Variants in HEATR4 observed in about 807,000 individuals in gnomAD.
The protein encoded by HEATR4 is HEAT repeat-containing protein 4.
Under a neutral mutation model 108.8 loss-of-function variants are expected in HEATR4, and 95 were observed. That is an observed-to-expected ratio of 0.87 (90% CI 0.74 to 1.04). The LOEUF (loss-of-function observed/expected upper bound fraction) is 1.04, where lower values mean the gene tolerates loss of function less well. Among genes scored for constraint, HEATR4 ranks in the 50% least tolerant of loss-of-function variants. The pLI is 0.00. For synonymous variants in HEATR4, 443 were observed against 459.4 expected, an observed-to-expected ratio of 0.96 and a Z score of 0.46; for missense variants, 1,152 against 1,253.8, an observed-to-expected ratio of 0.92 and a Z score of 1.23.
the HEATR4 span, among the ~76,000 whole-genome samples, chr14:73,577,450 T>C: frequency 1.5e-5 from 2 of 137,606 alleles, no homozygotes; most frequent in Non-Finnish European, 3.1e-5. Flanking sequence ...TGAAAACTCT[T>C]AGAGATGATG....
the HEATR4 span, among the ~76,000 whole-genome samples, chr14:73,599,989 T>C: frequency 6.6e-6 from 1 of 152,206 alleles, no homozygotes; most frequent in Admixed American, 6.5e-5. Context: ...GATCCAGGTA[T>C]AGATGAGGCT....
the HEATR4 span, among the ~76,000 whole-genome samples, chr14:73,589,900 G>A: frequency 0.18 from 27,796 of 152,050 alleles, 4,463 homozygotes; most frequent in African/African-American, 0.43. Flanking sequence ...TGCGGTGAGT[G>A]TTACAGCTCT....
chr14:73,511,863 CA>C (rs1386860954), intron 7 of HEATR4, 142 bp downstream of exon 7: 1 of 846,376 alleles, frequency 1.2e-6, no homozygotes, highest in Non-Finnish European at 1.8e-6. Context: ...TGCTGATAAG[CA>C]TGTATATATA....
At chr14:73,588,411 G>A in the HEATR4 span, among the ~76,000 whole-genome samples, 124,240 of 152,138 alleles carry the variant, frequency 0.82, 51,419 homozygotes, top group African/African-American at 0.95. Flanking sequence ...TGCTCAGCAT[G>A]TATTACACTT....
the HEATR4 span, chr14:73,612,447 A>G: frequency 3.2e-6 from 2 of 622,708 alleles, no homozygotes; most frequent in East Asian, 6.9e-5. Context: ...GCCTGTCCCC[A>G]AGTCCAACCA....
chr14:73,498,120 A>G lies in HEATR4; in HGVS notation c.2546+35T>C, dbSNP rs777785209. ...GCAAAGATGTGAGAGTTGGCAGTAT[A>G]AGGTCATGGTGGGAGCCAGAGGTTT... On this transcript the variant is annotated intron_variant, in intron 14 of 17. Transcript: ENST00000553558. 35 of 1,566,248 alleles carry G rather than the reference A, an allele frequency of 2.2e-5. No individual in the cohort carries two copies. In the South Asian group the frequency reaches 3.4e-4, roughly 15 times the overall value.
At chr14:73,613,054 C>G in the HEATR4 span, 3 of 660,822 alleles carry the variant, frequency 4.5e-6, no homozygotes, top group African/African-American at 1.9e-5. Flanking sequence ...AGAATTTGGT[C>G]GAGCTCTGCG....
chr14:73,596,929 G>T, the HEATR4 span, among the ~76,000 whole-genome samples: 1 of 151,868 alleles, frequency 6.6e-6, no homozygotes. Context: ...AAGCGTATTT[G>T]AAAAGATAAT....
At chr14:73,591,690 C>T in the HEATR4 span, 1 of 381,758 alleles carries the variant, frequency 2.6e-6, no homozygotes. Context: ...GGCAGAGAGG[C>T]TTTCTACGGG....
intron 17 of HEATR4, among the ~76,000 whole-genome samples, chr14:73,487,726 C>T (rs896961641): frequency 3.3e-5 from 5 of 152,084 alleles, no homozygotes; most frequent in African/African-American, 1.2e-4. Context: ...ACATGAATTA[C>T]CAGCACAATG....
the HEATR4 span, among the ~76,000 whole-genome samples, chr14:73,617,614 T>C: frequency 1.3e-5 from 2 of 152,194 alleles, no homozygotes; most frequent in African/African-American, 4.8e-5. Flanking sequence ...AGTGGCCTTA[T>C]GATTCTGAAT....
rs72738334 is a variant in HEATR4 at position 73,520,528 on chromosome 14, C to T, written c.1069+324G>A. 3.0e-3 allele frequency: 633 copies of T among 213,878 alleles called. 3 individuals are homozygous for T. The highest frequency in any genetic ancestry group is 4.4e-3 in the Non-Finnish European group (482 of 108,546). The allele number at this position is 213,878 out of a possible 1,614,324, so 13.2% of individuals were successfully genotyped here. A position where few individuals can be genotyped will look rare whatever the true frequency, so the allele number is the denominator to read the frequency against. On this transcript the variant is annotated intron_variant, in intron 4 of 17. Transcript: ENST00000553558. ...AATATCTCGAAGTGGGAGAATATCT[C>T]GAAGTGAGAGAAGGGAGAAGGGTAG...
the HEATR4 span, among the ~76,000 whole-genome samples, chr14:73,570,995 A>G: frequency 6.8e-6 from 1 of 145,986 alleles, no homozygotes; most frequent in Non-Finnish European, 1.5e-5. Flanking sequence ...TTTTTTAAAT[A>G]AGAATTCCGA....
At chr14:73,490,537 G>A (rs1417138146) in intron 17 of HEATR4, among the ~76,000 whole-genome samples, 2 of 152,130 alleles carry the variant, frequency 1.3e-5, no homozygotes, top group African/African-American at 4.8e-5. Flanking sequence ...TAGCCAGGAT[G>A]GTCTCGATCT....
At chr14:73,498,095 G>A in intron 14 of HEATR4, 60 bp downstream of exon 14, 1 of 1,476,752 alleles carries the variant, frequency 6.8e-7, no homozygotes, top group Admixed American at 1.9e-5. Flanking sequence ...TATTCAATGA[G>A]CAAAGATGTG....
the HEATR4 span, among the ~76,000 whole-genome samples, chr14:73,620,669 G>A: frequency 2.0e-5 from 3 of 152,128 alleles, no homozygotes; most frequent in Middle Eastern, 3.4e-3. Context: ...CCAGGTTCAA[G>A]CGATTCTCCT....
At chr14:73,593,851 A>C in the HEATR4 span, 6 of 1,614,056 alleles carry the variant, frequency 3.7e-6, no homozygotes, top group Non-Finnish European at 5.1e-6. Flanking sequence ...CATGGACAAC[A>C]TATCCCTGGA....
intron 2 of HEATR4, among the ~76,000 whole-genome samples, chr14:73,523,869 A>G (rs1888127396): frequency 6.6e-6 from 1 of 152,178 alleles, no homozygotes; most frequent in African/African-American, 2.4e-5. Context: ...TGTTAATCCT[A>G]TGATACCTCG....
chr14:73,615,720 T>G, the HEATR4 span, among the ~76,000 whole-genome samples: 1 of 150,344 alleles, frequency 6.7e-6, no homozygotes, highest in South Asian at 2.1e-4. Context: ...GCAACAAGAG[T>G]GAAACCTTGT....
Sources: allele counts gnomAD v4.1 joint callset (sites outside exome capture counted in the v4.1 genomes callset), GRCh38; gene constraint gnomAD v4.1.1; transcripts MANE v1.5; gene names NCBI Gene and HGNC (gene_info 2026-07-23, HGNC 2026-07-21).